Variants in COL24A1 observed in about 807,000 individuals in gnomAD.
The protein encoded by COL24A1 is collagen alpha-1(XXIV) chain.
A neutral mutation model predicts 253.9 loss-of-function variants in COL24A1; 224 were observed. The ratio of observed to expected loss-of-function variants is 0.88; its 90% CI spans 0.79 to 0.99. The LOEUF (loss-of-function observed/expected upper bound fraction) is 0.99. Ranked by LOEUF, COL24A1 falls within the 50% of genes least tolerant of loss-of-function variation. The pLI, the probability that COL24A1 is intolerant of heterozygous loss-of-function variation, is 0.00. For missense variants in COL24A1, 2,131 were observed against 2,068.5 expected (o/e 1.03, Z -0.59); for synonymous variants, 685 against 673.7 (o/e 1.02, Z -0.26).
At chr1:85,811,900 T>C (rs907063002) in intron 47 of COL24A1, among the ~76,000 whole-genome samples, 1 of 152,236 alleles carries the variant, frequency 6.6e-6, no homozygotes, top group African/African-American at 2.4e-5. Context: ...ACTCTAATTA[T>C]ATCAGAAGGC....
rs139782191 is a variant in COL24A1 at position 85,881,290 on chromosome 1, C to T, written c.2977-4115G>A. On this transcript the variant is annotated intron_variant, in intron 32 of 59. Coordinates refer to ENST00000370571, the MANE Select transcript of COL24A1 (RefSeq NM_152890.7). ...ATCAAATCAAACCTATTCAGGTTAT[C>T]CCTTTCTGTTTATATGAGTTTTGGT... 1.6e-4 allele frequency among the ~76,000 whole-genome samples: 25 copies of T among 152,020 alleles called. No individual in the cohort carries two copies. In the East Asian group the frequency reaches 4.8e-3, roughly 29 times the overall value.
chr1:85,816,137 C>T (rs1673020490), intron 47 of COL24A1, among the ~76,000 whole-genome samples: 1 of 152,092 alleles, frequency 6.6e-6, no homozygotes, highest in Non-Finnish European at 1.5e-5. Flanking sequence ...CACTGAGCTA[C>T]TAACACAGCA....
chr1:86,061,973 T>C (rs992244068), intron 8 of COL24A1, among the ~76,000 whole-genome samples: 4 of 152,098 alleles, frequency 2.6e-5, no homozygotes, highest in African/African-American at 7.2e-5. Context: ...ACTGCTACTA[T>C]AGTTTCTCTG....
chr1:85,814,427 T>C (rs1672864902), intron 47 of COL24A1, among the ~76,000 whole-genome samples: 1 of 152,226 alleles, frequency 6.6e-6, no homozygotes, highest in Non-Finnish European at 1.5e-5. Flanking sequence ...TAAATTACTA[T>C]CCTTTAAATA....
chr1:85,761,719 G>C (rs1255614882), intron 53 of COL24A1, among the ~76,000 whole-genome samples, 153 bp from the exon 54 acceptor site: 1 of 152,032 alleles, frequency 6.6e-6, no homozygotes, highest in Non-Finnish European at 1.5e-5. Context: ...TATATGCTGT[G>C]GTACTTAGCA....
At chr1:86,105,196 A>G (rs921925698) in intron 5 of COL24A1, among the ~76,000 whole-genome samples, 1 of 152,178 alleles carries the variant, frequency 6.6e-6, no homozygotes, top group Admixed American at 6.5e-5. Context: ...CAATAGCGGT[A>G]TGGCAGAGGG....
intron 31 of COL24A1, among the ~76,000 whole-genome samples, chr1:85,891,665 G>C (rs1683145326): frequency 6.6e-6 from 1 of 152,162 alleles, no homozygotes; most frequent in Non-Finnish European, 1.5e-5. Flanking sequence ...AATTAAGAGA[G>C]AGGATCATTA....
chr1:86,149,745 CATTCCTGGTGT>C (rs1195050720), intron 1 of COL24A1, among the ~76,000 whole-genome samples: 1 of 152,162 alleles, frequency 6.6e-6, no homozygotes, highest in Non-Finnish European at 1.5e-5. Flanking sequence ...TTAACAAGTC[CATTCCTGGTGT>C]GAGGCAGGAA....
intron 2 of COL24A1, among the ~76,000 whole-genome samples, chr1:86,145,492 T>C (rs1011850563): frequency 1.3e-5 from 2 of 152,088 alleles, no homozygotes; most frequent in Non-Finnish European, 2.9e-5. Context: ...GACATTATCT[T>C]ATTTACATTT....
chr1:85,773,545 T>C (rs1354773579), intron 53 of COL24A1, among the ~76,000 whole-genome samples: 1 of 152,226 alleles, frequency 6.6e-6, no homozygotes, highest in East Asian at 1.9e-4. Flanking sequence ...TCTTATTTCC[T>C]TGAGTAGTGG....
chr1:86,099,440 C>G (rs1176670946), intron 5 of COL24A1, among the ~76,000 whole-genome samples: 1 of 151,980 alleles, frequency 6.6e-6, no homozygotes, highest in South Asian at 2.1e-4. Flanking sequence ...ATTAACAAAG[C>G]CAAATATTGA....
chr1:86,113,558 G>C (rs1404637742), intron 4 of COL24A1, among the ~76,000 whole-genome samples: 1 of 152,072 alleles, frequency 6.6e-6, no homozygotes, highest in Non-Finnish European at 1.5e-5. Context: ...TTTTGGCTGG[G>C]TGTGGTGGCT....
At chr1:85,982,322 T>C (rs1015920213) in intron 20 of COL24A1, among the ~76,000 whole-genome samples, 1 of 152,050 alleles carries the variant, frequency 6.6e-6, no homozygotes, top group African/African-American at 2.4e-5. Context: ...TCATGTAAAA[T>C]GAGAAATGTC....
chr1:85,990,855 A>G (rs759705933), intron 19 of COL24A1, among the ~76,000 whole-genome samples: 13 of 152,338 alleles, frequency 8.5e-5, no homozygotes, highest in Non-Finnish European at 1.3e-4. Flanking sequence ...AGGCTCACTC[A>G]TTATCTTGAA....
chr1:86,054,761 T>TA (rs1700552909), intron 10 of COL24A1, among the ~76,000 whole-genome samples: 1 of 152,122 alleles, frequency 6.6e-6, no homozygotes, highest in African/African-American at 2.4e-5. Flanking sequence ...AAAATAGAAT[T>TA]ACCATTTGAC....
At chr1:85,767,948 T>C (rs981118850) in intron 53 of COL24A1, among the ~76,000 whole-genome samples, 3 of 152,176 alleles carry the variant, frequency 2.0e-5, no homozygotes, top group Non-Finnish European at 2.9e-5. Flanking sequence ...CCTACTCTCA[T>C]GAAGTTTACA....
At chr1:85,851,727 T>C (rs186512814) in intron 37 of COL24A1, among the ~76,000 whole-genome samples, 3 of 152,316 alleles carry the variant, frequency 2.0e-5, no homozygotes, top group Admixed American at 1.3e-4. Context: ...TATCTCTATG[T>C]GAATTTCTGG....
chr1:85,839,938 C>G (rs1676420174), intron 42 of COL24A1, among the ~76,000 whole-genome samples: 1 of 152,024 alleles, frequency 6.6e-6, no homozygotes, highest in Non-Finnish European at 1.5e-5. Flanking sequence ...ACCATCTGAA[C>G]AAAAACTTAA....
intron 32 of COL24A1, among the ~76,000 whole-genome samples, chr1:85,887,219 A>G (rs949527705): frequency 2.6e-5 from 4 of 152,184 alleles, no homozygotes; most frequent in Non-Finnish European, 2.9e-5. Flanking sequence ...AATAATTAAC[A>G]GATATTAACT....
Sources: gnomAD v4.1 joint callset for allele counts (sites outside exome capture counted in the v4.1 genomes callset) on GRCh38, gnomAD v4.1.1 for gene constraint, MANE v1.5 for transcripts, NCBI Gene and HGNC (gene_info 2026-07-23, HGNC 2026-07-21) for gene names.